Variants in PDE8B observed in about 807,000 individuals in gnomAD.
PDE8B encodes the protein high affinity cAMP-specific and IBMX-insensitive 3',5'-cyclic phosphodiesterase 8B.
PDE8B carries 26 observed loss-of-function variants against 101.3 expected under a neutral mutation model. The ratio of observed to expected loss-of-function variants is 0.26; its 90% CI spans 0.19 to 0.36. The LOEUF (loss-of-function observed/expected upper bound fraction) is 0.36. Ranked by LOEUF, PDE8B falls within the 10% of genes least tolerant of loss-of-function variation. The pLI, the probability that PDE8B is intolerant of heterozygous loss-of-function variation, is 1.00. For missense variants in PDE8B, 810 were observed against 1,163.1 expected (o/e 0.70, Z 4.42); for synonymous variants, 424 against 429.3 (o/e 0.99, Z 0.15).
intron 1 of PDE8B, among the ~76,000 whole-genome samples, chr5:77,278,769 T>G (rs1025365982): frequency 5.9e-5 from 9 of 152,152 alleles, no homozygotes; most frequent in African/African-American, 2.2e-4. Flanking sequence ...AGAGATACCT[T>G]TTTTCAAGTT....
chr5:77,312,474 A>G (rs190624115), intron 2 of PDE8B, among the ~76,000 whole-genome samples: 156 of 152,278 alleles, frequency 1.0e-3, no homozygotes, highest in African/African-American at 3.4e-3. Context: ...GACAGATTGC[A>G]TGGTGGATTG....
intron 1 of PDE8B, among the ~76,000 whole-genome samples, chr5:77,281,018 C>A (rs1411312983): frequency 6.6e-6 from 1 of 152,266 alleles, no homozygotes; most frequent in Non-Finnish European, 1.5e-5. Flanking sequence ...GCAGGTCCAC[C>A]TGCCGAGGGG....
rs185764617 is a variant in PDE8B at position 77,351,776 on chromosome 5, C to T, written c.1106+623C>T. Among the ~76,000 whole-genome samples, 4 of 152,162 alleles carry T rather than the reference C, an allele frequency of 2.6e-5. No individual in the cohort carries two copies. In the East Asian group the frequency reaches 5.8e-4, roughly 22 times the overall value. On this transcript the variant is annotated intron_variant, in intron 9 of 21. Transcript: ENST00000264917. ...CCCCTAACCATACATCATGGTGAGC[C>T]GTGGGGAGCCAGCCTGAAGGTCAAC...
chr5:77,148,801 G>T, the PDE8B span, among the ~76,000 whole-genome samples: 1 of 151,594 alleles, frequency 6.6e-6, no homozygotes, highest in East Asian at 2.0e-4. Context: ...TAGGATTTTT[G>T]AATATTTTCT....
chr5:77,318,861 G>A (rs1044620218), intron 2 of PDE8B, among the ~76,000 whole-genome samples: 7 of 152,180 alleles, frequency 4.6e-5, no homozygotes, highest in African/African-American at 1.7e-4. Flanking sequence ...ATGTTTAATG[G>A]TAGACATTGA....
chr5:77,239,675 A>G (rs1406319241), intron 1 of PDE8B, among the ~76,000 whole-genome samples: 1 of 152,170 alleles, frequency 6.6e-6, no homozygotes, highest in African/African-American at 2.4e-5. Flanking sequence ...TCCAATTCCA[A>G]TCTCTTATGC....
chr5:77,250,021 A>G (rs1288587509), intron 1 of PDE8B, among the ~76,000 whole-genome samples: 1 of 152,230 alleles, frequency 6.6e-6, no homozygotes, highest in Non-Finnish European at 1.5e-5. Flanking sequence ...GCTTTGCTTA[A>G]TTGCTTCCAT....
chr5:77,200,415 C>T, the PDE8B span, among the ~76,000 whole-genome samples: 6 of 152,174 alleles, frequency 3.9e-5, no homozygotes, highest in African/African-American at 1.4e-4. Context: ...CCCCTAGCCC[C>T]ACTCCCACAT....
At chr5:77,229,230 A>G (rs1255132106) in intron 1 of PDE8B, among the ~76,000 whole-genome samples, 2 of 152,226 alleles carry the variant, frequency 1.3e-5, no homozygotes, top group African/African-American at 4.8e-5. Context: ...AGGAGAGAGA[A>G]TCAAATACGG....
At chr5:77,264,149 T>A (rs1465595055) in intron 1 of PDE8B, among the ~76,000 whole-genome samples, 1 of 152,232 alleles carries the variant, frequency 6.6e-6, no homozygotes, top group African/African-American at 2.4e-5. Flanking sequence ...TATTTTCCAT[T>A]TAATGGACAT....
intron 9 of PDE8B, among the ~76,000 whole-genome samples, chr5:77,352,062 G>A (rs780522222): frequency 9.8e-5 from 15 of 152,316 alleles, no homozygotes; most frequent in Admixed American, 6.5e-4. Flanking sequence ...GCTACGTCCC[G>A]TCAATACCAC....
chr5:77,346,911 A>G (rs1471081820), intron 7 of PDE8B, among the ~76,000 whole-genome samples: 2 of 152,204 alleles, frequency 1.3e-5, no homozygotes, highest in African/African-American at 4.8e-5. Flanking sequence ...TAGTTAATAT[A>G]TGTTCTTACT....
At chr5:77,381,157 C>T (rs1019746211) in intron 10 of PDE8B, among the ~76,000 whole-genome samples, 4 of 152,250 alleles carry the variant, frequency 2.6e-5, no homozygotes, top group Admixed American at 2.6e-4. Context: ...GACCCTAAGA[C>T]CAACGGGATG....
chr5:77,334,084 T>C (rs1470463027), intron 5 of PDE8B, among the ~76,000 whole-genome samples: 1 of 152,248 alleles, frequency 6.6e-6, no homozygotes, highest in African/African-American at 2.4e-5. Flanking sequence ...GTGGTGGTTC[T>C]CCTTTTTTGG....
intron 1 of PDE8B, among the ~76,000 whole-genome samples, chr5:77,276,622 CTAA>C (rs998167743): frequency 1.3e-5 from 2 of 152,168 alleles, no homozygotes; most frequent in Non-Finnish European, 2.9e-5. Flanking sequence ...TATTGAGTGT[CTAA>C]TGTGTCTAAC....
intron 1 of PDE8B, among the ~76,000 whole-genome samples, chr5:77,306,010 T>A (rs1397473613): frequency 6.6e-6 from 1 of 152,132 alleles, no homozygotes; most frequent in East Asian, 1.9e-4. Context: ...ACTCTGAGTT[T>A]TGGAACTCAG....
At chr5:77,196,180 A>T in the PDE8B span, among the ~76,000 whole-genome samples, 9,068 of 152,218 alleles carry the variant, frequency 0.06, 917 homozygotes, top group African/African-American at 0.2. Context: ...TACTTGACCC[A>T]TACCGAATAT....
chr5:77,186,739 A>G, the PDE8B span, among the ~76,000 whole-genome samples: 1 of 152,210 alleles, frequency 6.6e-6, no homozygotes, highest in Non-Finnish European at 1.5e-5. Flanking sequence ...AAACCAAAGC[A>G]GTGGTTTCTC....
chr5:77,116,852 C>T, the PDE8B span, among the ~76,000 whole-genome samples: 1 of 152,174 alleles, frequency 6.6e-6, no homozygotes, highest in African/African-American at 2.4e-5. Flanking sequence ...GAACTCTTCT[C>T]TAGGTAACAT....
Sources: gnomAD v4.1 joint callset for allele counts (sites outside exome capture counted in the v4.1 genomes callset) on GRCh38, gnomAD v4.1.1 for gene constraint, MANE v1.5 for transcripts, NCBI Gene and HGNC (gene_info 2026-07-23, HGNC 2026-07-21) for gene names.